Variants in DPYSL4 observed in about 807,000 individuals in gnomAD.
DPYSL4 encodes dihydropyrimidinase-related protein 4.
A neutral mutation model predicts 63.4 loss-of-function variants in DPYSL4; 43 were observed. The observed-to-expected ratio is 0.68, with a 90% CI of 0.53 to 0.88. DPYSL4 has a LOEUF of 0.88. DPYSL4 is among the 40% of genes least tolerant of loss of function. The pLI, the probability that DPYSL4 is intolerant of heterozygous loss-of-function variation, is 0.00. For synonymous variants in DPYSL4, 353 were observed against 331.7 expected, an observed-to-expected ratio of 1.06 and a Z score of -0.70; for missense variants, 733 against 819.5, an observed-to-expected ratio of 0.89 and a Z score of 1.29.
At position 132,200,372 on chromosome 10, in the gene DPYSL4, G is replaced by A. The variant is rs373105250; in HGVS notation, c.828G>A (p.Gly276=). ...GTGCTGCAGGGGTGGTCGTGTTTGG[G>A]GAGCCCATCACCGCCAGCCTGGGCA... ...QAKRRGVVVF[G]EPITASLGTD... is the part of the protein sequence containing the mutation. Residue 276 remains glycine (G), a synonymous_variant, in exon 9 of 14, where the codon GGG becomes GGA. Coordinates refer to ENST00000338492, the MANE Select transcript of DPYSL4 (RefSeq NM_006426.3). The A allele has an allele frequency of 9.9e-6, 16 of 1,613,168 alleles. No homozygotes were observed. The highest frequency in any genetic ancestry group is 1.4e-5 in the Non-Finnish European group (16 of 1,179,878).
intron 7 of DPYSL4, 65 bp from the exon 8 acceptor site, chr10:132,198,786 T>A: frequency 1.3e-6 from 2 of 1,590,736 alleles, no homozygotes; most frequent in South Asian, 2.3e-5. Context: ...GGCATCCCCA[T>A]TGCCCACACT....
chr10:132,202,239 G>A (rs2062028070), intron 11 of DPYSL4, 123 bp downstream of exon 11: 1 of 1,307,688 alleles, frequency 7.6e-7, no homozygotes, highest in Admixed American at 2.4e-5. Context: ...AGCCATCCCA[G>A]GGCCGTCCAC....
intron 12 of DPYSL4, among the ~76,000 whole-genome samples, chr10:132,203,290 C>G (rs1039956348): frequency 4.0e-4 from 58 of 146,712 alleles, no homozygotes; most frequent in African/African-American, 1.4e-3. Flanking sequence ...GCCCCCCCCC[C>G]ATGGCCTTCC....
At chr10:132,200,620 G>A (rs1461936274) in intron 9 of DPYSL4, 108 bp downstream of exon 9, 20 of 1,452,438 alleles carry the variant, frequency 1.4e-5, no homozygotes, top group Middle Eastern at 1.9e-4. Flanking sequence ...AGGGCAGCCC[G>A]GACAGTGGCG....
At position 132,204,888 on chromosome 10, in the gene DPYSL4, G is replaced by A. The variant is rs1251195988; in HGVS notation, c.1677G>A (p.Met559Ile). ...HIARRTAQKI[M>I]APPGGRSNIT... is the part of the protein sequence containing the mutation. ...CCCGACGCACAGCACAGAAGATCAT[G>A]GCACCACCTGGCGGCCGCTCCAACA... The change falls in exon 14 of 14, where the codon ATG becomes ATA. Residue 559 changes from methionine (M) to isoleucine (I), a missense_variant. Met to Ile is a conservative substitution (Grantham distance 10). Transcript: ENST00000338492. 2 of 1,612,632 alleles carry A rather than the reference G, an allele frequency of 1.2e-6. No homozygotes were observed. Among genetic ancestry groups the A allele is most frequent in the South Asian group, 1.1e-5 (1 of 90,914 alleles).
chr10:132,203,703 C>G, intron 12 of DPYSL4, 59 bp from the exon 13 acceptor site: 1 of 1,435,308 alleles, frequency 7.0e-7, no homozygotes, highest in Non-Finnish European at 9.3e-7. Context: ...CATCTCTGGC[C>G]CCACAGCTGC....
intron 1 of DPYSL4, among the ~76,000 whole-genome samples, chr10:132,189,150 C>T (rs1339321486): frequency 6.6e-6 from 1 of 152,242 alleles, no homozygotes; most frequent in East Asian, 1.9e-4. Flanking sequence ...TATGGGTGGG[C>T]CCTGGAAACC....
intron 1 of DPYSL4, among the ~76,000 whole-genome samples, chr10:132,187,512 G>A (rs2061818998): frequency 6.6e-6 from 1 of 152,110 alleles, no homozygotes; most frequent in East Asian, 2.0e-4. Context: ...GCGGGCGGAC[G>A]CGGCCCTTTG....
chr10:132,192,832 C>A lies in DPYSL4; in HGVS notation c.303C>A (p.Thr101=). Residue 101 remains threonine (T), a synonymous_variant, in exon 3 of 14, where the codon ACC becomes ACA. Transcript: ENST00000338492. ...QGTKAALAGG[T]TMILDHVFPD... ...CCAAGGCAGCGCTAGCAGGAGGAAC[C>A]ACCATGATCTGTGAGTGTCTGGGTC... is the stretch of plus-strand genomic sequence containing the variant. The A allele has an allele frequency of 1.2e-6, 2 of 1,609,448 alleles. No homozygotes were observed. Among genetic ancestry groups the A allele is most frequent in the South Asian group, 1.1e-5 (1 of 90,640 alleles).
chr10:132,202,181 C>A, intron 11 of DPYSL4, 65 bp downstream of exon 11: 2 of 1,562,164 alleles, frequency 1.3e-6, no homozygotes, highest in Admixed American at 3.6e-5. Context: ...GGCAGCCTTC[C>A]CAGGAGAGGC....
intron 13 of DPYSL4, 60 bp downstream of exon 13, chr10:132,203,987 C>A: frequency 6.5e-7 from 1 of 1,543,774 alleles, no homozygotes; most frequent in Non-Finnish European, 8.8e-7. Flanking sequence ...TCCAGGGCCT[C>A]AGGTACCAGG....
rs1304489463 is a variant in DPYSL4, at chr10:132,186,994, T to TCCGGCCCCCCCC, written c.-68_-67insGGCCCCCCCCCC. 1.7e-4 allele frequency: 37 copies of TCCGGCCCCCCCC among 218,982 alleles called. 1 individual carries two copies. The highest frequency in any genetic ancestry group is 8.9e-4 in the South Asian group (12 of 13,468). 13.6% of individuals were successfully genotyped at this position (218,982 alleles called of 1,614,324 possible). A position where few individuals can be genotyped will look rare whatever the true frequency, so the allele number is the denominator to read the frequency against. ...CCACGCACGCGTCCCGGCTCACGCG[T>TCCGGCCCCCCCC]CCCCCCGCCCGCCCGCCCGCCCGCC... On this transcript the variant is annotated 5_prime_UTR_variant, in exon 1 of 14. Transcript: ENST00000338492.
Position 132,194,988 on chromosome 10 carries a change from G to T in DPYSL4, c.457G>T (p.Glu153Ter). ...RWHESIKEEL[E>*]ALVKEKGVNS... Reference sequence around the variant, plus strand: ...GCATGAGAGCATCAAGGAGGAGCTGGAGGCCCTGGTCAAGGAGAAGGGTGA... The same window carrying T: ...GCATGAGAGCATCAAGGAGGAGCTGTAGGCCCTGGTCAAGGAGAAGGGTGA... Residue 153 changes from glutamate (E) to a stop codon, truncating the protein, a stop_gained, in exon 4 of 14, where the codon GAG (glutamate) becomes TAG (stop). Transcript: ENST00000338492. LOFTEE classifies it high-confidence loss of function. 1 of 1,606,720 alleles carries T rather than the reference G, an allele frequency of 6.2e-7. No individual in the cohort carries two copies.
intron 1 of DPYSL4, among the ~76,000 whole-genome samples, chr10:132,188,374 C>T (rs1288194002): frequency 2.0e-5 from 3 of 152,228 alleles, no homozygotes; most frequent in Non-Finnish European, 4.4e-5. Context: ...CACACGTCTC[C>T]TCAAGCCTCC....
At chr10:132,197,730 G>C (rs201633602) in intron 6 of DPYSL4, among the ~76,000 whole-genome samples, 5 of 152,350 alleles carry the variant, frequency 3.3e-5, no homozygotes, top group Admixed American at 2.6e-4. Flanking sequence ...GGGACGGGAC[G>C]GGCTCTGCCC....
intron 2 of DPYSL4, chr10:132,192,235 G>A: frequency 1.2e-6 from 1 of 868,872 alleles, no homozygotes; most frequent in Non-Finnish European, 1.4e-6. Context: ...TTGGGTGGCT[G>A]TGGGCGAAAG....
chr10:132,204,970 C>A lies in DPYSL4; in HGVS notation c.*40C>A. The A allele has an allele frequency of 1.3e-6, 2 of 1,541,904 alleles. No homozygotes were observed. The highest frequency in any genetic ancestry group is 1.8e-6 in the Non-Finnish European group (2 of 1,139,822). On this transcript the variant is annotated 3_prime_UTR_variant, in exon 14 of 14. Transcript: ENST00000338492. The stretch of plus-strand genomic sequence containing the variant: ...CCCTGTGAGCCGTGCTGGCCCCACC[C>A]GAGGCCGCGGGGGCCCCAGGGCACT...
rs543046496 is a variant in DPYSL4, at chr10:132,193,723, T to C, written c.313+881T>C. Among the ~76,000 whole-genome samples, 60 of 152,352 alleles carry C rather than the reference T, an allele frequency of 3.9e-4. 1 individual carries two copies. The highest frequency in any genetic ancestry group is 3.4e-3 in the Middle Eastern group (1 of 294). ...GCTTTTATAAGTCACACTTTGTTGATCTGTAAAACAGAACACTGGCCTCAT... is the reference window on the plus strand; with the variant it reads ...GCTTTTATAAGTCACACTTTGTTGACCTGTAAAACAGAACACTGGCCTCAT... On this transcript the variant is annotated intron_variant, in intron 3 of 13. Coordinates refer to ENST00000338492, the MANE Select transcript of DPYSL4 (RefSeq NM_006426.3).
At chr10:132,202,977 A>G (rs2062040157) in intron 12 of DPYSL4, 152 bp downstream of exon 12, 3 of 927,592 alleles carry the variant, frequency 3.2e-6, no homozygotes, top group Non-Finnish European at 4.6e-6. Context: ...TGGTGGGTCT[A>G]AGTGGAGAAG....
Sources: allele counts gnomAD v4.1 joint callset (sites outside exome capture counted in the v4.1 genomes callset), GRCh38; gene constraint gnomAD v4.1.1; transcripts MANE v1.5; gene names NCBI Gene and HGNC (gene_info 2026-07-23, HGNC 2026-07-21).